Variants in NLK observed in about 807,000 individuals in gnomAD.
NLK encodes nemo like kinase.
Under a neutral mutation model 59.0 loss-of-function variants are expected in NLK, and 11 were observed. The ratio of observed to expected loss-of-function variants is 0.19; its 90% CI spans 0.12 to 0.31. NLK has a LOEUF of 0.31. NLK is among the 10% of genes least tolerant of loss of function. NLK has a pLI of 1.00. For missense variants in NLK, 410 were observed against 661.1 expected, an observed-to-expected ratio of 0.62 and a Z score of 4.16; for synonymous variants, 235 against 235.9, an observed-to-expected ratio of 1.00 and a Z score of 0.03.
In NLK at chr17:28,043,149, A is replaced by C. The variant is rs758977014; in HGVS notation, c.276A>C (p.Pro92=). ...AAMLNPGQQQ[P]YFPSPAPGQA... ...TGTTAAACCCTGGGCAACAACAGCC[A>C]TATTTCCCATCACCGGCACCGGGGC... Residue 92 remains proline (P), a synonymous_variant, in exon 1 of 11, where the codon CCA becomes CCC. Coordinates refer to ENST00000407008, the MANE Select transcript of NLK (RefSeq NM_016231.5). 6.2e-7 allele frequency: 1 copy of C among 1,613,058 alleles called. No homozygotes were observed. Among genetic ancestry groups the C allele is most frequent in the Non-Finnish European group, 8.5e-7 (1 of 1,179,556 alleles).
At chr17:28,084,027 T>A (rs1910432191) in intron 1 of NLK, among the ~76,000 whole-genome samples, 1 of 152,188 alleles carries the variant, frequency 6.6e-6, no homozygotes, top group Non-Finnish European at 1.5e-5. Context: ...CTGTGAGGGC[T>A]GTGTGGAAGA....
intron 8 of NLK, among the ~76,000 whole-genome samples, chr17:28,187,860 T>C (rs1182121995): frequency 6.6e-6 from 1 of 152,190 alleles, no homozygotes; most frequent in East Asian, 1.9e-4. Flanking sequence ...AGGAAGAGTA[T>C]ATATTCTTTT....
downstream of NLK, among the ~76,000 whole-genome samples, chr17:28,197,060 TACTA>T (rs1312203142): frequency 1.3e-5 from 2 of 152,216 alleles, no homozygotes; most frequent in Admixed American, 6.5e-5. Flanking sequence ...TTTGAATACT[TACTA>T]AGTATAAGAA....
chr17:28,118,704 A>G (rs1311672865), intron 1 of NLK, among the ~76,000 whole-genome samples: 1 of 152,210 alleles, frequency 6.6e-6, no homozygotes, highest in African/African-American at 2.4e-5. Flanking sequence ...TCTTTTGATC[A>G]ACTCTGTATC....
intron 9 of NLK, among the ~76,000 whole-genome samples, chr17:28,191,553 A>T (rs1281282544): frequency 6.6e-6 from 1 of 152,230 alleles, no homozygotes; most frequent in Non-Finnish European, 1.5e-5. Context: ...ATAAAGGATA[A>T]ACATTCACTG....
chr17:28,049,925 A>G (rs868559108), intron 1 of NLK, among the ~76,000 whole-genome samples: 20 of 152,346 alleles, frequency 1.3e-4, no homozygotes, highest in Middle Eastern at 6.8e-3. Context: ...GGTTGCAGTG[A>G]GCCAAGATCG....
At chr17:28,090,211 A>G (rs1904438255) in intron 1 of NLK, among the ~76,000 whole-genome samples, 2 of 152,344 alleles carry the variant, frequency 1.3e-5, no homozygotes, top group South Asian at 2.1e-4. Flanking sequence ...TATTTTATGC[A>G]TAGCATAGTA....
chr17:28,197,840 G>T (rs1392392713), downstream of NLK, among the ~76,000 whole-genome samples: 1 of 152,012 alleles, frequency 6.6e-6, no homozygotes, highest in Non-Finnish European at 1.5e-5. Flanking sequence ...GATATTTTCA[G>T]AAAACAAATT....
At position 28,161,153 on chromosome 17, in the gene NLK, C is replaced by T. The variant is rs761185069; in HGVS notation, c.645-7C>T. ...TCGCCGAACTCTCCTTAACTTAAAA[C>T]TTCAAGATATGTTGTCACAGAATTG... On this transcript the variant is annotated splice_polypyrimidine_tract_variant and splice_region_variant and intron_variant, in intron 3 of 10. Coordinates refer to ENST00000407008, the MANE Select transcript of NLK (RefSeq NM_016231.5). The T allele has an allele frequency of 1.3e-5, 20 of 1,549,432 alleles. No individual in the cohort carries two copies. The highest frequency in any genetic ancestry group is 2.2e-5 in the East Asian group (1 of 44,570).
At chr17:28,061,274 A>C (rs1466884168) in intron 1 of NLK, among the ~76,000 whole-genome samples, 4 of 152,256 alleles carry the variant, frequency 2.6e-5, no homozygotes, top group Non-Finnish European at 5.9e-5. Context: ...AAAGGTGTCT[A>C]TAACCTTAAA....
chr17:28,113,937 T>C (rs551520680), intron 1 of NLK, among the ~76,000 whole-genome samples: 2 of 152,334 alleles, frequency 1.3e-5, no homozygotes, highest in African/African-American at 4.8e-5. Flanking sequence ...CTAAACATTA[T>C]AGTTTAACTT....
chr17:28,099,853 C>T (rs755937896), intron 1 of NLK, among the ~76,000 whole-genome samples: 1 of 152,124 alleles, frequency 6.6e-6, no homozygotes, highest in Non-Finnish European at 1.5e-5. Context: ...GCTGGGATTA[C>T]AGGCGTGAGC....
intron 1 of NLK, among the ~76,000 whole-genome samples, chr17:28,054,217 A>G (rs1909360374): frequency 6.6e-6 from 1 of 152,202 alleles, no homozygotes; most frequent in Non-Finnish European, 1.5e-5. Context: ...TTATGTGAGC[A>G]TCTTCAACCA....
chr17:28,191,063 C>A lies in NLK; in HGVS notation c.1279C>A (p.Leu427Ile), dbSNP rs1218472516. Reference protein sequence around the residue: ...SAKDALAHPYLDEGRLRYHTC... With the variant: ...SAKDALAHPYIDEGRLRYHTC... ...TAAGGATGCCTTAGCCCACCCCTAC[C>A]TAGATGAAGGGCGACTACGATATCA... is the stretch of plus-strand genomic sequence containing the variant. The change falls in exon 9 of 11, where the codon CTA becomes ATA. Residue 427 changes from leucine to isoleucine, a missense_variant. Transcript: ENST00000407008. The A allele has an allele frequency of 6.2e-7, 1 of 1,611,760 alleles. No homozygotes were observed. Among genetic ancestry groups the A allele is most frequent in the Non-Finnish European group, 8.5e-7 (1 of 1,179,268 alleles).
At chr17:28,152,151 T>A (rs1243278170) in intron 3 of NLK, among the ~76,000 whole-genome samples, 1 of 152,262 alleles carries the variant, frequency 6.6e-6, no homozygotes, top group Non-Finnish European at 1.5e-5. Context: ...CTAGATGAAA[T>A]GTCAGATTTC....
chr17:28,169,040 C>T (rs1343216785), intron 6 of NLK, among the ~76,000 whole-genome samples: 1 of 151,972 alleles, frequency 6.6e-6, no homozygotes, highest in African/African-American at 2.4e-5. Flanking sequence ...CACGCTCCAC[C>T]ACACCTGGCT....
intron 1 of NLK, among the ~76,000 whole-genome samples, chr17:28,121,963 T>C (rs1186655875): frequency 6.6e-6 from 1 of 152,020 alleles, no homozygotes; most frequent in Non-Finnish European, 1.5e-5. Context: ...GACACAGTTA[T>C]TAAAAAGATA....
intron 1 of NLK, among the ~76,000 whole-genome samples, chr17:28,096,738 A>G (rs1904715152): frequency 6.6e-6 from 1 of 152,246 alleles, no homozygotes; most frequent in Admixed American, 6.5e-5. Context: ...GAATTTTTCA[A>G]CATCTTAATT....
intron 3 of NLK, among the ~76,000 whole-genome samples, chr17:28,160,130 G>T (rs751591055): frequency 6.6e-6 from 1 of 152,202 alleles, no homozygotes; most frequent in Non-Finnish European, 1.5e-5. Context: ...GCATGGCACT[G>T]GATCCGAGTA....
Sources: allele counts gnomAD v4.1 joint callset (sites outside exome capture counted in the v4.1 genomes callset), GRCh38; gene constraint gnomAD v4.1.1; transcripts MANE v1.5; gene names NCBI Gene and HGNC (gene_info 2026-07-23, HGNC 2026-07-21).